The following LAMA2 variants were observed in gnomAD, a reference collection of about 807,000 sequenced individuals.
LAMA2 encodes the protein laminin subunit alpha 2.
Under a neutral mutation model 364.8 loss-of-function variants are expected in LAMA2, and 269 were observed. The observed-to-expected ratio is 0.74, with a 90% confidence interval of 0.67 to 0.82. LAMA2 has a LOEUF of 0.82. LAMA2 is among the 40% of genes least tolerant of loss of function. LAMA2 has a pLI of 0.00. For synonymous variants in LAMA2, 1,379 were observed against 1,370.6 expected (o/e 1.01, Z -0.14); for missense variants, 3,807 against 3,873.2 (o/e 0.98, Z 0.45).
intron 56 of LAMA2, among the ~76,000 whole-genome samples, chr6:129,491,617 G>C (rs758957218): frequency 1.3e-5 from 2 of 152,200 alleles, no homozygotes; most frequent in Non-Finnish European, 2.9e-5. Flanking sequence ...GTTCTCACAG[G>C]CTCATGTGTT....
intron 3 of LAMA2, among the ~76,000 whole-genome samples, chr6:129,069,741 A>G (rs1773180801): frequency 6.7e-6 from 1 of 148,366 alleles, no homozygotes; most frequent in Non-Finnish European, 1.5e-5. Context: ...GTGTTTATAT[A>G]TAATAAAATA....
chr6:129,434,148 T>C (rs966905291), intron 41 of LAMA2, among the ~76,000 whole-genome samples: 2 of 152,180 alleles, frequency 1.3e-5, no homozygotes, highest in Non-Finnish European at 2.9e-5. Context: ...AGAAACATGA[T>C]AAACAAGAGT....
At chr6:128,948,586 A>G (rs1208565214) in intron 1 of LAMA2, among the ~76,000 whole-genome samples, 1 of 152,136 alleles carries the variant, frequency 6.6e-6, no homozygotes, top group Non-Finnish European at 1.5e-5. Context: ...TATGATTTGC[A>G]TGTTTGCCCC....
chr6:128,927,764 C>A (rs568207849), intron 1 of LAMA2, among the ~76,000 whole-genome samples: 13 of 152,062 alleles, frequency 8.5e-5, no homozygotes, highest in African/African-American at 2.9e-4. Context: ...TTTTTTGTCA[C>A]AATTAATTAT....
rs1306395563 is a variant in LAMA2 at position 129,516,282 on chromosome 6, G to T, written c.9304G>T (p.Glu3102Ter). 1 of 1,614,130 alleles carries T rather than the reference G, an allele frequency of 6.2e-7. No homozygotes were observed. The highest frequency in any genetic ancestry group is 1.7e-5 in the Admixed American group (1 of 60,008). ...CACCAAAGGCACAGGCAAGCCACTGGAGGTTAATTTTGCCAAGGCCCTGGA... is the reference window on the plus strand; with the variant it reads ...CACCAAAGGCACAGGCAAGCCACTGTAGGTTAATTTTGCCAAGGCCCTGGA... ...KLTKGTGKPL[E>*]VNFAKALELR... The change falls in exon 65 of 65, where the codon GAG becomes TAG. Residue 3102 changes from glutamate (E) to a stop codon, truncating the protein, a stop_gained. Transcript: ENST00000421865. LOFTEE classifies it high-confidence loss of function.
chr6:129,370,006 T>A lies in LAMA2; in HGVS notation c.4959+16T>A. 1 of 1,601,412 alleles carries A rather than the reference T, an allele frequency of 6.2e-7. No individual in the cohort carries two copies. Among genetic ancestry groups the A allele is most frequent in the Non-Finnish European group, 8.6e-7 (1 of 1,168,596 alleles). Reference sequence around the variant, plus strand: ...GCTGACCAGGGTAAGGTGGCAAAATTATGAATCTTCTGAAAGCAGATAGAT... The same window carrying A: ...GCTGACCAGGGTAAGGTGGCAAAATAATGAATCTTCTGAAAGCAGATAGAT... On this transcript the variant is annotated intron_variant, in intron 34 of 64. Transcript: ENST00000421865.
intron 1 of LAMA2, among the ~76,000 whole-genome samples, chr6:128,912,542 A>G (rs1182143016): frequency 6.6e-6 from 1 of 152,226 alleles, no homozygotes; most frequent in Admixed American, 6.5e-5. Flanking sequence ...AAAATCTACT[A>G]TAATTATGGG....
intron 15 of LAMA2, among the ~76,000 whole-genome samples, chr6:129,265,528 A>C (rs1281987086): frequency 6.6e-6 from 1 of 152,156 alleles, no homozygotes; most frequent in East Asian, 1.9e-4. Flanking sequence ...ATATTACAGA[A>C]GGAAATCACT....
At chr6:128,943,288 AGAG>A in intron 1 of LAMA2, among the ~76,000 whole-genome samples, 1 of 151,682 alleles carries the variant, frequency 6.6e-6, no homozygotes, top group African/African-American at 2.4e-5. Context: ...AGAGAGAGAG[AGAG>A]AGAGAGAGAG....
intron 41 of LAMA2, among the ~76,000 whole-genome samples, chr6:129,433,911 G>A (rs897014735): frequency 1.3e-5 from 2 of 151,992 alleles, no homozygotes; most frequent in Admixed American, 6.6e-5. Context: ...ACATCTCCCA[G>A]TTTATTTCTC....
At chr6:129,191,431 C>G (rs550698015) in intron 11 of LAMA2, among the ~76,000 whole-genome samples, 4 of 152,328 alleles carry the variant, frequency 2.6e-5, no homozygotes, top group African/African-American at 9.6e-5. Flanking sequence ...GACATCTAGT[C>G]TAACTTCCTC....
chr6:129,167,391 T>C (rs987076321), intron 9 of LAMA2, among the ~76,000 whole-genome samples: 5 of 146,614 alleles, frequency 3.4e-5, no homozygotes, highest in Admixed American at 7.1e-5. Flanking sequence ...AATTCCCACC[T>C]ATGAGTGAGA....
At chr6:129,129,923 C>CAAAAA (rs543305057) in intron 4 of LAMA2, among the ~76,000 whole-genome samples, 6 of 76,260 alleles carry the variant, frequency 7.9e-5, no homozygotes, top group African/African-American at 1.6e-4. Context: ...GATTCCGTCT[C>CAAAAA]AAAAAAAAAA....
chr6:128,962,139 C>CATATATAT (rs55906092), intron 1 of LAMA2, among the ~76,000 whole-genome samples: 486 of 38,044 alleles, frequency 0.013, 10 homozygotes, highest in Middle Eastern at 0.019. Flanking sequence ...TCCTCTGGAC[C>CATATATAT]ATATATATAT....
At chr6:129,394,227 G>C (rs938629919) in intron 37 of LAMA2, among the ~76,000 whole-genome samples, 5 of 152,072 alleles carry the variant, frequency 3.3e-5, no homozygotes, top group African/African-American at 4.8e-5. Flanking sequence ...GACTCCAACA[G>C]GTCAGAAAAC....
Position 129,165,578 on chromosome 6 carries a change from A to G in LAMA2, c.1209A>G (p.Val403=), listed in dbSNP as rs1414976638. Residue 403 remains valine, a splice_region_variant and synonymous_variant, in exon 9 of 65, where the codon GTA becomes GTG. Coordinates refer to ENST00000421865, the MANE Select transcript of LAMA2 (RefSeq NM_000426.4). ...CTDGFFRPKG[V]SPNYPRPCQP... Reference sequence around the variant, plus strand: ...ATTCATTTTAATATTTTTGTTAGGTATCTCCAAATTATCCAAGGCCATGCC... The same window carrying G: ...ATTCATTTTAATATTTTTGTTAGGTGTCTCCAAATTATCCAAGGCCATGCC... 1.9e-6 allele frequency: 3 copies of G among 1,601,998 alleles called. No individual in the cohort carries two copies. The highest frequency in any genetic ancestry group is 2.6e-6 in the Non-Finnish European group (3 of 1,169,720).
intron 44 of LAMA2, 126 bp from the exon 45 acceptor site, chr6:129,445,541 G>A: frequency 1.3e-6 from 1 of 789,234 alleles, no homozygotes; most frequent in Admixed American, 2.1e-5. Context: ...TTTTGCTTTA[G>A]CTGTTATGGC....
rs567273272 is a variant in LAMA2 at position 129,121,939 on chromosome 6, G to A, written c.640-21962G>A. ...ATAAAGGGAAGGTATCTTATTTGTC[G>A]CTTCACTGCAGGAAAAAATAAAATT... On this transcript the variant is annotated intron_variant, in intron 4 of 64. Coordinates refer to ENST00000421865, the MANE Select transcript of LAMA2 (RefSeq NM_000426.4). Among the ~76,000 whole-genome samples the A allele has an allele frequency of 4.9e-4, 75 of 152,082 alleles. 1 individual carries two copies. The highest frequency in any genetic ancestry group is 3.3e-3 in the South Asian group (16 of 4,812).
chr6:128,996,180 T>C (rs1783928896), intron 1 of LAMA2, among the ~76,000 whole-genome samples: 1 of 152,164 alleles, frequency 6.6e-6, no homozygotes, highest in Admixed American at 6.6e-5. Context: ...GAGTGAATGC[T>C]GTGCATGGAG....
Sources: allele counts gnomAD v4.1 joint callset (sites outside exome capture counted in the v4.1 genomes callset), GRCh38; gene constraint gnomAD v4.1.1; transcripts MANE v1.5; gene names NCBI Gene and HGNC (gene_info 2026-07-23, HGNC 2026-07-21).